SLC36A1: variants seen among roughly 807,000 people sequenced by gnomAD.
SLC36A1 encodes solute carrier family 36 member 1, also known as proton-coupled amino acid transporter 1.
SLC36A1 carries 30 observed loss-of-function variants against 47.5 expected under a neutral mutation model. The observed-to-expected ratio is 0.63, with a 90% CI of 0.47 to 0.86. SLC36A1 has a LOEUF of 0.86. Ranked by LOEUF, SLC36A1 falls within the 40% of genes least tolerant of loss-of-function variation. The pLI, the probability that SLC36A1 is intolerant of heterozygous loss-of-function variation, is 0.00. For missense variants in SLC36A1, 517 were observed against 606.0 expected, an observed-to-expected ratio of 0.85 and a Z score of 1.54; for synonymous variants, 255 against 249.7, an observed-to-expected ratio of 1.02 and a Z score of -0.20.
In SLC36A1 at chr5:151,488,080, G is replaced by A; in HGVS notation, c.1257G>A (p.Leu419=). Residue 419 remains leucine, a synonymous_variant, in exon 11 of 11, where the codon CTG becomes CTA. Coordinates refer to ENST00000243389, the MANE Select transcript of SLC36A1 (RefSeq NM_078483.4). ...SALALIIPPL[L]EVTTFYSEGM... ...TGGCCCTCATCATCCCACCGCTCCT[G>A]GAGGTCACCACCTTCTACTCAGAGG... The A allele has an allele frequency of 6.8e-6, 11 of 1,614,106 alleles. No homozygotes were observed. The highest frequency in any genetic ancestry group is 8.5e-6 in the Non-Finnish European group (10 of 1,180,002).
chr5:151,553,307 C>T, the SLC36A1 span: 28 of 1,614,252 alleles, frequency 1.7e-5, no homozygotes, highest in Middle Eastern at 1.6e-4. Flanking sequence ...GGATGGAGGA[C>T]GGCCGGGGCC....
At chr5:151,502,076 C>T in the SLC36A1 span, among the ~76,000 whole-genome samples, 1 of 147,930 alleles carries the variant, frequency 6.8e-6, no homozygotes, top group Non-Finnish European at 1.5e-5. Flanking sequence ...CTTTGGGATG[C>T]GGAGGCGGGT....
chr5:151,397,478 A>C, the SLC36A1 span, among the ~76,000 whole-genome samples: 1,269 of 152,332 alleles, frequency 8.3e-3, 11 homozygotes, highest in Non-Finnish European at 0.015. Flanking sequence ...TGCCTGACTT[A>C]CTGAGAAGTG....
the SLC36A1 span, among the ~76,000 whole-genome samples, chr5:151,409,374 G>A: frequency 6.6e-6 from 1 of 152,164 alleles, no homozygotes; most frequent in East Asian, 1.9e-4. Context: ...TATCTGAGGA[G>A]TTTGCATCAA....
intron 10 of SLC36A1, 132 bp from the exon 11 acceptor site, chr5:151,487,850 CT>C (rs775261050): frequency 3.4e-5 from 37 of 1,087,066 alleles, no homozygotes; most frequent in Admixed American, 7.9e-5. Context: ...AGAGATTGAA[CT>C]GGACAATGTC....
upstream of SLC36A1, among the ~76,000 whole-genome samples, chr5:151,444,257 AG>A (rs1204537304): frequency 1.3e-4 from 20 of 152,204 alleles, no homozygotes; most frequent in African/African-American, 4.6e-4. Context: ...TGCTTTGGAT[AG>A]TATGGACATT....
At chr5:151,392,997 T>G in the SLC36A1 span, among the ~76,000 whole-genome samples, 1 of 151,958 alleles carries the variant, frequency 6.6e-6, no homozygotes, top group East Asian at 1.9e-4. Context: ...ATGTTGACAG[T>G]GGGGTATTAA....
At chr5:151,383,000 G>A in the SLC36A1 span, among the ~76,000 whole-genome samples, 2 of 152,132 alleles carry the variant, frequency 1.3e-5, no homozygotes, top group South Asian at 2.1e-4. Flanking sequence ...TCCTGACCTC[G>A]TGATCCACCC....
rs376643467 is a variant in SLC36A1, at chr5:151,467,865, C to A, written c.663C>A (p.Ser221=). The change falls in exon 7 of 11, where the codon TCC becomes TCA. Residue 221 remains serine (S), a synonymous_variant. Coordinates refer to ENST00000243389, the MANE Select transcript of SLC36A1 (RefSeq NM_078483.4). ...IRNLRALSIF[S]LLANITMLVS... ...ACCTCCGAGCCCTGTCCATCTTCTC[C>A]CTGTTGGCCAACATCACCATGCTGG... 7 of 1,613,830 alleles carry A rather than the reference C, an allele frequency of 4.3e-6. No individual in the cohort carries two copies. The highest frequency in any genetic ancestry group is 5.9e-6 in the Non-Finnish European group (7 of 1,180,002).
At chr5:151,382,847 G>T in the SLC36A1 span, among the ~76,000 whole-genome samples, 1 of 152,172 alleles carries the variant, frequency 6.6e-6, no homozygotes. Flanking sequence ...AGAGGCCAAG[G>T]CCAGAATTTA....
At chr5:151,347,610 C>A in the SLC36A1 span, 1 of 873,186 alleles carries the variant, frequency 1.1e-6, no homozygotes, top group Admixed American at 2.2e-5. Context: ...CCCCGCCCAC[C>A]TCCCTGGAGG....
the SLC36A1 span, among the ~76,000 whole-genome samples, chr5:151,538,454 T>A: frequency 6.6e-6 from 1 of 152,148 alleles, no homozygotes; most frequent in Non-Finnish European, 1.5e-5. Context: ...TTGAGTCAGG[T>A]CTGGACTCCA....
the SLC36A1 span, chr5:151,531,467 A>T: frequency 1.8e-5 from 24 of 1,327,352 alleles, no homozygotes; most frequent in Non-Finnish European, 2.4e-5. This position sits in a 1 kb window ranked among gnomAD's most constrained non-coding sequence, Gnocchi z 5.7. Flanking sequence ...TGGAGAAACG[A>T]CCAGAGGAGG....
the SLC36A1 span, among the ~76,000 whole-genome samples, chr5:151,539,361 A>G: frequency 5.0e-4 from 76 of 152,360 alleles, no homozygotes; most frequent in Admixed American, 1.7e-3. Context: ...TGTGTGTGCA[A>G]GCAAGTCGAA....
chr5:151,397,146 C>G, the SLC36A1 span, among the ~76,000 whole-genome samples: 1 of 152,304 alleles, frequency 6.6e-6, no homozygotes, highest in East Asian at 1.9e-4. Context: ...CTTTCATTCC[C>G]GATACTGCAC....
the SLC36A1 span, among the ~76,000 whole-genome samples, chr5:151,532,642 A>G: frequency 1.3e-5 from 2 of 152,182 alleles, no homozygotes; most frequent in African/African-American, 4.8e-5. Flanking sequence ...AGTTAAGAAA[A>G]CACCCATGGA....
At chr5:151,553,850 A>G in the SLC36A1 span, among the ~76,000 whole-genome samples, 27,521 of 152,206 alleles carry the variant, frequency 0.18, 3,048 homozygotes, top group East Asian at 0.36. Context: ...TGTCTTTTAC[A>G]AGAATAAACT....
chr5:151,541,712 G>A, the SLC36A1 span, among the ~76,000 whole-genome samples: 1 of 152,242 alleles, frequency 6.6e-6, no homozygotes, highest in Non-Finnish European at 1.5e-5. Flanking sequence ...AGCTTATAGG[G>A]TAGGGTTTTA....
chr5:151,505,892 G>A, the SLC36A1 span: 13 of 1,598,394 alleles, frequency 8.1e-6, no homozygotes, highest in Non-Finnish European at 1.1e-5. Flanking sequence ...TGCTGTAACG[G>A]GGTGGGAGAG....
Sources: gnomAD v4.1 joint callset for allele counts (sites outside exome capture counted in the v4.1 genomes callset) on GRCh38, gnomAD v4.1.1 for gene constraint, Gnocchi (gnomAD v3.1) non-coding constraint, MANE v1.5 for transcripts, NCBI Gene and HGNC (gene_info 2026-07-23, HGNC 2026-07-21) for gene names.